Variants in LARS1 observed in about 807,000 individuals in gnomAD.
The protein encoded by LARS1 is leucine--tRNA ligase, cytoplasmic.
A neutral mutation model predicts 162.8 loss-of-function variants in LARS1; 100 were observed. The observed-to-expected ratio is 0.61, with a 90% CI of 0.52 to 0.73. The LOEUF (loss-of-function observed/expected upper bound fraction) is 0.73. Among genes scored for constraint, LARS1 ranks in the 30% least tolerant of loss-of-function variants. LARS1 has a pLI of 0.00. For missense variants in LARS1, 1,258 were observed against 1,408.9 expected, an observed-to-expected ratio of 0.89 and a Z score of 1.71; for synonymous variants, 457 against 462.8, an observed-to-expected ratio of 0.99 and a Z score of 0.16.
chr5:146,148,052 C>A (rs750187658), intron 15 of LARS1, among the ~76,000 whole-genome samples: 2 of 152,130 alleles, frequency 1.3e-5, no homozygotes, highest in African/African-American at 2.4e-5. Context: ...TATTTCCAAT[C>A]CAGAATCTAT....
At chr5:146,153,283 TTG>T in intron 12 of LARS1, 56 bp from the exon 13 acceptor site, 1 of 1,223,382 alleles carries the variant, frequency 8.2e-7, no homozygotes, top group Non-Finnish European at 1.2e-6. Flanking sequence ...GGGAGAATCA[TTG>T]AGAGAAGCAA....
chr5:146,159,368 G>C, intron 8 of LARS1, 39 bp downstream of exon 8: 2 of 1,486,940 alleles, frequency 1.3e-6, no homozygotes, highest in Non-Finnish European at 1.9e-6. Flanking sequence ...GTCTTATTAA[G>C]GATTATTATA....
Position 146,144,523 on chromosome 5 carries a change from C to A in LARS1, c.1604G>T (p.Gly535Val). The A allele has an allele frequency of 6.2e-7, 1 of 1,613,936 alleles. No individual in the cohort carries two copies. Among genetic ancestry groups the A allele is most frequent in the Non-Finnish European group, 8.5e-7 (1 of 1,179,956 alleles). ...ALCDQWYLDYGEENWKKQTSQ... is the reference protein window; with the variant it reads ...ALCDQWYLDYVEENWKKQTSQ... The stretch of plus-strand genomic sequence containing the variant: ...TGTCTGTTTCTTCCAATTCTCTTCT[C>A]CATAATCCAAGTACCTGGGAGTGGA... The change falls in exon 17 of 32, where the codon GGA becomes GTA. Residue 535 changes from glycine (G) to valine (V), a missense_variant. Physicochemically the swap from Gly to Val is moderately radical, Grantham distance 109. Transcript: ENST00000394434.
intron 23 of LARS1, chr5:146,131,967 C>T (rs1752305552): frequency 6.6e-6 from 1 of 152,242 alleles, no homozygotes; most frequent in African/African-American, 2.4e-5. Context: ...CTTTCCATGG[C>T]TTATCCACAC....
chr5:146,151,457 T>C (rs969733988), intron 14 of LARS1, among the ~76,000 whole-genome samples: 3 of 152,212 alleles, frequency 2.0e-5, no homozygotes, highest in South Asian at 2.1e-4. Context: ...TCACCTGGCA[T>C]TTAGTAGACA....
intron 1 of LARS1, 143 bp downstream of exon 1, chr5:146,182,345 A>T: frequency 9.4e-7 from 1 of 1,062,298 alleles, no homozygotes; most frequent in Non-Finnish European, 1.4e-6. Context: ...AGCAAGAAAA[A>T]GCAAAGTCTC....
At chr5:146,154,649 GCGCCTGTAGT>G (rs1231191041) in intron 10 of LARS1, among the ~76,000 whole-genome samples, 1 of 151,842 alleles carries the variant, frequency 6.6e-6, no homozygotes, top group African/African-American at 2.4e-5. Context: ...GTGGTGGCAT[GCGCCTGTAGT>G]CCCAGCTATT....
intron 10 of LARS1, among the ~76,000 whole-genome samples, chr5:146,155,038 G>GA (rs1753460358): frequency 1.3e-5 from 2 of 151,968 alleles, no homozygotes; most frequent in South Asian, 4.2e-4. Context: ...TTTTAGTAGA[G>GA]ACAGGGTTTC....
At chr5:146,138,888 G>A (rs963971331) in intron 21 of LARS1, 3 of 292,962 alleles carry the variant, frequency 1.0e-5, no homozygotes, top group African/African-American at 4.5e-5. Context: ...GAGTAATCTG[G>A]GGAAAGGTAA....
chr5:146,126,407 TCACAGCTGCATAAGGTC>T lies in LARS1; in HGVS notation c.2991+11_2991+27del, dbSNP rs766577933. Reference sequence around the variant, plus strand: ...TCCCATCTAACCATTGCTCATGTGGTCACAGCTGCATAAGGTCCACAGCTTACCTTAATCATGGCAAC... The same window carrying T: ...TCCCATCTAACCATTGCTCATGTGGTCACAGCTTACCTTAATCATGGCAAC... On this transcript the variant is annotated intron_variant, in intron 28 of 31. Transcript: ENST00000394434. 13 of 1,398,138 alleles carry T rather than the reference TCACAGCTGCATAAGGTC, an allele frequency of 9.3e-6. No homozygotes were observed. The highest frequency in any genetic ancestry group is 1.3e-5 in the Non-Finnish European group (13 of 985,356). The allele number at this position is 1,398,138 out of a possible 1,614,324, so 86.6% of individuals were successfully genotyped here. A position where few individuals can be genotyped will look rare whatever the true frequency, so the allele number is the denominator to read the frequency against.
chr5:146,114,258 G>A lies in LARS1; in HGVS notation c.3379C>T (p.Arg1127Ter), dbSNP rs746600010. 5.0e-6 allele frequency: 8 copies of A among 1,613,694 alleles called. No homozygotes were observed. Among genetic ancestry groups the A allele is most frequent in the Non-Finnish European group, 6.8e-6 (8 of 1,179,942 alleles). ...RFDDPLLGPR[R>*]VPVLGKEYTE... ...TACTCCTTTCCCAGGACAGGAACTC[G>A]TCGAGGCCCCAACAGTGGATCATCA... Residue 1127 changes from arginine (R) to a stop codon, truncating the protein, a stop_gained, in exon 32 of 32, where the codon CGA becomes TGA. Transcript: ENST00000394434. LOFTEE classifies it high-confidence loss of function.
chr5:146,120,768 C>T (rs968363378), intron 30 of LARS1, among the ~76,000 whole-genome samples: 6 of 152,194 alleles, frequency 3.9e-5, no homozygotes, highest in African/African-American at 1.4e-4. Context: ...CAACCACCAT[C>T]ATTCACTGAA....
chr5:146,167,641 G>A (rs977394121), intron 5 of LARS1, among the ~76,000 whole-genome samples: 16 of 151,522 alleles, frequency 1.1e-4, no homozygotes, highest in South Asian at 2.1e-4. Flanking sequence ...TGATCCGCCC[G>A]CCTTGGCCTC....
intron 23 of LARS1, chr5:146,131,933 T>C (rs963255936): frequency 1.3e-5 from 2 of 152,260 alleles, no homozygotes; most frequent in Non-Finnish European, 2.9e-5. Flanking sequence ...CACAAGATAA[T>C]GTACTTCAAA....
chr5:146,180,343 G>C (rs1217942945), intron 1 of LARS1, among the ~76,000 whole-genome samples: 2 of 152,096 alleles, frequency 1.3e-5, no homozygotes, highest in African/African-American at 2.4e-5. Flanking sequence ...GACCAGTCTG[G>C]CCAACATGGT....
chr5:146,171,836 T>C (rs1754294109), intron 4 of LARS1, 74 bp downstream of exon 4: 1 of 1,036,380 alleles, frequency 9.6e-7, no homozygotes, highest in African/African-American at 1.6e-5. Flanking sequence ...AAAAATCCTT[T>C]TAAGCTCTTG....
At position 146,120,522 on chromosome 5, in the gene LARS1, A is replaced by G. The variant is rs369021069; in HGVS notation, c.3193-19T>C. On this transcript the variant is annotated intron_variant, in intron 30 of 31. Coordinates refer to ENST00000394434, the MANE Select transcript of LARS1 (RefSeq NM_020117.11). ...CACCAGGCTAGGAAAACAACAAGAAAATGATTGTTTAACTTGAATACTGCT... is the reference window on the plus strand; with the variant it reads ...CACCAGGCTAGGAAAACAACAAGAAGATGATTGTTTAACTTGAATACTGCT... 14 of 1,605,718 alleles carry G rather than the reference A, an allele frequency of 8.7e-6. No homozygotes were observed. Among genetic ancestry groups the G allele is most frequent in the Non-Finnish European group, 1.2e-5 (14 of 1,176,832 alleles).
chr5:146,161,819 T>C (rs1753793767), intron 6 of LARS1, among the ~76,000 whole-genome samples: 1 of 152,152 alleles, frequency 6.6e-6, no homozygotes, highest in Non-Finnish European at 1.5e-5. Flanking sequence ...AACTAAAGTT[T>C]ATGTGATATT....
intron 12 of LARS1, among the ~76,000 whole-genome samples, chr5:146,153,498 G>A (rs1434283879): frequency 1.3e-5 from 2 of 152,168 alleles, no homozygotes; most frequent in South Asian, 2.1e-4. Context: ...CACTTAAATT[G>A]AGGTTCATAT....
Sources: gnomAD v4.1 joint callset for allele counts (sites outside exome capture counted in the v4.1 genomes callset) on GRCh38, gnomAD v4.1.1 for gene constraint, MANE v1.5 for transcripts, NCBI Gene and HGNC (gene_info 2026-07-23, HGNC 2026-07-21) for gene names.